The following TMEM232 variants were observed in gnomAD, a reference collection of about 807,000 sequenced individuals.
TMEM232 encodes transmembrane protein 232.
In TMEM232, 80 loss-of-function variants were observed where a neutral mutation model predicts 78.8. That is an observed-to-expected ratio of 1.01 (90% CI 0.85 to 1.22). The LOEUF (loss-of-function observed/expected upper bound fraction) is 1.22. TMEM232 is among the 50% of genes most tolerant of loss of function. The pLI is 0.00. For missense variants in TMEM232, 881 were observed against 742.2 expected (o/e 1.19, Z -2.17); for synonymous variants, 297 against 254.3 (o/e 1.17, Z -1.60).
At chr5:110,563,536 G>A (rs529082007) in intron 11 of TMEM232, among the ~76,000 whole-genome samples, 22 of 151,860 alleles carry the variant, frequency 1.4e-4, no homozygotes, top group African/African-American at 5.3e-4. Context: ...AAAAAGAAAA[G>A]AATAAGGTTG....
intron 1 of TMEM232, chr5:110,720,718 T>C (rs1441026049): frequency 1.3e-5 from 2 of 152,170 alleles, no homozygotes; most frequent in Admixed American, 1.3e-4. Context: ...AGTAAATTTA[T>C]TCCAAATTAC....
intron 11 of TMEM232, among the ~76,000 whole-genome samples, chr5:110,530,404 G>A (rs1053873113): frequency 3.3e-5 from 5 of 152,154 alleles, no homozygotes; most frequent in Admixed American, 6.6e-5. Flanking sequence ...AAATCAGTAC[G>A]TCAAAGAGAG....
chr5:110,649,679 C>G (rs1411023651), intron 2 of TMEM232, among the ~76,000 whole-genome samples: 3 of 152,048 alleles, frequency 2.0e-5, no homozygotes, highest in Non-Finnish European at 4.4e-5. Flanking sequence ...GTTTGTGTTT[C>G]CCTAACTACT....
At chr5:110,396,272 C>T (rs1755384436) in intron 3 of TMEM232, among the ~76,000 whole-genome samples, 2 of 152,270 alleles carry the variant, frequency 1.3e-5, no homozygotes, top group South Asian at 4.1e-4. Context: ...ACCCAATCAC[C>T]TCCCATCAGG....
intron 12 of TMEM232, among the ~76,000 whole-genome samples, chr5:110,425,442 C>T (rs747925577): frequency 6.6e-6 from 1 of 151,898 alleles, no homozygotes; most frequent in Non-Finnish European, 1.5e-5. Flanking sequence ...TAAAGTAATA[C>T]AGTGATAGAA....
chr5:110,563,977 T>C (rs1384671218), intron 11 of TMEM232, among the ~76,000 whole-genome samples: 4 of 152,028 alleles, frequency 2.6e-5, no homozygotes, highest in South Asian at 2.1e-4. Context: ...ATTGTACTTA[T>C]GGTTAAAAAG....
At chr5:110,558,591 G>T (rs909902211) in intron 11 of TMEM232, among the ~76,000 whole-genome samples, 3 of 152,082 alleles carry the variant, frequency 2.0e-5, no homozygotes, top group African/African-American at 7.2e-5. Context: ...ACAAGGGGGT[G>T]CTCAGATAAG....
At chr5:110,480,790 T>C (rs373027607) in intron 12 of TMEM232, among the ~76,000 whole-genome samples, 1 of 152,100 alleles carries the variant, frequency 6.6e-6, no homozygotes, top group South Asian at 2.1e-4. Context: ...TCAGTCAAAA[T>C]AAATACTCCA....
chr5:110,428,290 C>G (rs973934028), intron 12 of TMEM232, among the ~76,000 whole-genome samples: 2 of 151,844 alleles, frequency 1.3e-5, no homozygotes, highest in African/African-American at 4.8e-5. Context: ...CTCAGTTTCC[C>G]TAAACTTTAG....
At chr5:110,444,018 C>T (rs1440967337) in intron 12 of TMEM232, among the ~76,000 whole-genome samples, 1 of 152,086 alleles carries the variant, frequency 6.6e-6, no homozygotes, top group Non-Finnish European at 1.5e-5. Context: ...GAAGGAATTG[C>T]TTTTGTTTGA....
At chr5:110,625,514 T>C in intron 6 of TMEM232, 81 bp from the exon 7 acceptor site, 1 of 1,277,768 alleles carries the variant, frequency 7.8e-7, no homozygotes. Context: ...GCTATTAAAC[T>C]ATAATTAAAT....
At chr5:110,656,365 T>A (rs1789052666) in intron 2 of TMEM232, among the ~76,000 whole-genome samples, 1 of 152,242 alleles carries the variant, frequency 6.6e-6, no homozygotes, top group Non-Finnish European at 1.5e-5. Flanking sequence ...CTATAGCTTC[T>A]GCTCTCAAGT....
chr5:110,692,953 G>A (rs938001837), intron 1 of TMEM232, among the ~76,000 whole-genome samples: 1 of 152,216 alleles, frequency 6.6e-6, no homozygotes, highest in Non-Finnish European at 1.5e-5. Context: ...TTTGAAGAGA[G>A]TAGCAGTTCT....
chr5:110,672,034 T>A lies in TMEM232; in HGVS notation c.-12-4670A>T, dbSNP rs966054512. Among the ~76,000 whole-genome samples the A allele has an allele frequency of 3.3e-5, 5 of 151,898 alleles. No individual in the cohort carries two copies. The East Asian group carries it at 9.7e-4, about 29-fold the overall frequency. The stretch of plus-strand genomic sequence containing the variant: ...ATGGAAAAGAAAAAAATACAGGCCA[T>A]CCAGAAAGAAAAAAAGTAATTGAAG... On this transcript the variant is annotated intron_variant, in intron 1 of 13. Transcript: ENST00000455884.
intron 1 of TMEM232, among the ~76,000 whole-genome samples, chr5:110,677,448 AGTT>A (rs1378660323): frequency 1.3e-5 from 2 of 152,308 alleles, no homozygotes; most frequent in Admixed American, 6.5e-5. Flanking sequence ...TAAACCTCTA[AGTT>A]GTTGTAATTT....
intron 10 of TMEM232, among the ~76,000 whole-genome samples, chr5:110,571,173 C>T (rs1776897225): frequency 6.6e-6 from 1 of 151,964 alleles, no homozygotes; most frequent in Admixed American, 6.6e-5. Context: ...GCATATCTCA[C>T]CTATGGATTA....
chr5:110,550,877 TA>T (rs776156374), intron 11 of TMEM232, among the ~76,000 whole-genome samples: 350 of 123,122 alleles, frequency 2.8e-3, no homozygotes, highest in Middle Eastern at 4.4e-3. Context: ...AATGTTACAG[TA>T]AAAAAAAAAA....
intron 13 of TMEM232, among the ~76,000 whole-genome samples, chr5:110,422,267 G>C (rs1162393231): frequency 1.3e-5 from 2 of 152,026 alleles, no homozygotes; most frequent in African/African-American, 4.8e-5. Context: ...TGTAATCCCA[G>C]CACTTTGGGA....
chr5:110,503,016 T>C (rs1350381039), intron 12 of TMEM232, among the ~76,000 whole-genome samples: 1 of 152,222 alleles, frequency 6.6e-6, no homozygotes, highest in African/African-American at 2.4e-5. Flanking sequence ...GGTTATAAGC[T>C]ATGTAAAGTT....
Sources: gnomAD v4.1 joint callset for allele counts (sites outside exome capture counted in the v4.1 genomes callset) on GRCh38, gnomAD v4.1.1 for gene constraint, MANE v1.5 for transcripts, NCBI Gene and HGNC (gene_info 2026-07-23, HGNC 2026-07-21) for gene names.